Variants in SYNPO2 observed in about 807,000 individuals in gnomAD.
The protein encoded by SYNPO2 is synaptopodin-2.
SYNPO2 carries 56 observed loss-of-function variants against 85.0 expected under a neutral mutation model. The ratio of observed to expected loss-of-function variants is 0.66; its 90% CI spans 0.53 to 0.82. SYNPO2 has a LOEUF of 0.82. SYNPO2 is among the 40% of genes least tolerant of loss of function. The probability of loss-of-function intolerance (pLI) is 0.00; values close to 1 mark genes in which losing one functional copy is unlikely to be tolerated. For synonymous variants in SYNPO2, 602 were observed against 591.1 expected (o/e 1.02, Z -0.27); for missense variants, 1,575 against 1,534.2 (o/e 1.03, Z -0.44).
intron 1 of SYNPO2, among the ~76,000 whole-genome samples, chr4:119,000,970 G>A (rs967389227): frequency 1.1e-4 from 17 of 152,180 alleles, no homozygotes; most frequent in Non-Finnish European, 1.9e-4. Flanking sequence ...TCATATGAGT[G>A]CAGTGAAGTG....
intron 1 of SYNPO2, among the ~76,000 whole-genome samples, chr4:118,868,071 A>G (rs974034538): frequency 6.6e-6 from 1 of 150,990 alleles, no homozygotes; most frequent in African/African-American, 2.4e-5. Flanking sequence ...AAAACTACGT[A>G]TTTAATGAAA....
In SYNPO2 at chr4:118,933,829, GTTTT is replaced by G. The variant is rs71595334; in HGVS notation, c.105+44702_105+44705del. On this transcript the variant is annotated intron_variant, in intron 1 of 4. Coordinates refer to ENST00000307142, the MANE Select transcript of SYNPO2 (RefSeq NM_133477.3). ...ATAGCTGCTTTTTGCTGTTGTTGTT[GTTTT>G]TTTTTTTTTTTTTGGACAGTAACCT... Among the ~76,000 whole-genome samples, 63 of 102,318 alleles carry G rather than the reference GTTTT, an allele frequency of 6.2e-4. 1 individual carries two copies. The highest frequency in any genetic ancestry group is 4.9e-3 in the South Asian group (13 of 2,654). 67.1% of individuals were successfully genotyped at this position (102,318 alleles called of 152,430 possible).
intron 1 of SYNPO2, chr4:119,006,102 T>C (rs62327849): frequency 0.27 from 41,174 of 153,296 alleles, 5,580 homozygotes; most frequent in Middle Eastern, 0.31. Flanking sequence ...CCTGACACCG[T>C]CAGCAGTAAA....
At chr4:118,977,085 C>T (rs941481309) in intron 1 of SYNPO2, among the ~76,000 whole-genome samples, 8 of 152,184 alleles carry the variant, frequency 5.3e-5, no homozygotes, top group South Asian at 2.1e-4. Flanking sequence ...TGGGACTGGG[C>T]GCCGTGGAGC....
intron 1 of SYNPO2, among the ~76,000 whole-genome samples, chr4:118,942,692 G>A (rs1423773668): frequency 1.3e-5 from 2 of 152,248 alleles, no homozygotes; most frequent in South Asian, 2.1e-4. Flanking sequence ...GGGACATTTG[G>A]CAATGACCGG....
chr4:118,922,284 T>A (rs1733566895), intron 1 of SYNPO2, among the ~76,000 whole-genome samples: 2 of 152,164 alleles, frequency 1.3e-5, no homozygotes, highest in African/African-American at 2.4e-5. Context: ...AAAGTAGATG[T>A]ACGTCTGCAT....
At chr4:118,913,185 C>A (rs1319847504) in intron 1 of SYNPO2, among the ~76,000 whole-genome samples, 3 of 151,890 alleles carry the variant, frequency 2.0e-5, no homozygotes, top group Admixed American at 6.6e-5. Flanking sequence ...TACAAGATGA[C>A]AAGGCTTTAA....
intron 1 of SYNPO2, among the ~76,000 whole-genome samples, chr4:118,989,009 G>T (rs1736317727): frequency 6.6e-6 from 1 of 152,272 alleles, no homozygotes; most frequent in African/African-American, 2.4e-5. Flanking sequence ...AACAAAAAAA[G>T]AACAAGGTGG....
chr4:118,960,042 C>A (rs1322978110), intron 1 of SYNPO2, among the ~76,000 whole-genome samples: 1 of 152,164 alleles, frequency 6.6e-6, no homozygotes, highest in Non-Finnish European at 1.5e-5. Context: ...AATGTGACCA[C>A]AGAGGTAGAG....
intron 1 of SYNPO2, among the ~76,000 whole-genome samples, chr4:118,916,070 A>G (rs1447147114): frequency 1.3e-5 from 2 of 151,970 alleles, no homozygotes; most frequent in Non-Finnish European, 2.9e-5. Flanking sequence ...TGTTCATTGT[A>G]TATATGGTGA....
At chr4:118,994,406 C>T (rs949254978) in intron 1 of SYNPO2, among the ~76,000 whole-genome samples, 2 of 152,140 alleles carry the variant, frequency 1.3e-5, no homozygotes, top group African/African-American at 4.8e-5. Context: ...ATGAGCTTGG[C>T]GTTCAGAACA....
rs114818270 is a variant in SYNPO2, at chr4:118,924,818, T to C, written c.105+35677T>C. Among the ~76,000 whole-genome samples, 823 of 152,332 alleles carry C rather than the reference T, an allele frequency of 5.4e-3. 10 individuals are homozygous for C. The highest frequency in any genetic ancestry group is 0.019 in the African/African-American group (776 of 41,586). ...AGGAAGATTTTTCTTTAGGCCACTC[T>C]ATAGGCAATGAAGCAACTCCTCTTT... On this transcript the variant is annotated intron_variant, in intron 1 of 4. Coordinates refer to ENST00000307142, the MANE Select transcript of SYNPO2 (RefSeq NM_133477.3).
At chr4:119,034,525 C>T (rs1192625333) in intron 4 of SYNPO2, 3 of 985,366 alleles carry the variant, frequency 3.0e-6, no homozygotes, top group East Asian at 2.3e-4. Context: ...TTCTCCAAAA[C>T]CTTGTAAGAG....
intron 1 of SYNPO2, among the ~76,000 whole-genome samples, chr4:119,004,030 T>C (rs1736918942): frequency 6.6e-6 from 1 of 152,160 alleles, no homozygotes; most frequent in Non-Finnish European, 1.5e-5. Flanking sequence ...GGAAATGGCA[T>C]TGAGAGGGTC....
At chr4:118,892,586 C>G (rs956160807) in intron 1 of SYNPO2, among the ~76,000 whole-genome samples, 28 of 152,186 alleles carry the variant, frequency 1.8e-4, no homozygotes, top group Admixed American at 1.6e-3. Context: ...TTGAAAAATC[C>G]TCATATAAAG....
intron 1 of SYNPO2, among the ~76,000 whole-genome samples, chr4:118,908,312 T>A (rs1445290774): frequency 6.6e-6 from 1 of 152,198 alleles, no homozygotes; most frequent in East Asian, 1.9e-4. Context: ...TACTTGTTAC[T>A]CATTATATTG....
intron 1 of SYNPO2, among the ~76,000 whole-genome samples, chr4:118,940,674 A>G (rs1047378189): frequency 1.3e-5 from 2 of 152,110 alleles, no homozygotes; most frequent in East Asian, 1.9e-4. Context: ...TAGTCAGGGA[A>G]AGCACCCAAA....
intron 1 of SYNPO2, among the ~76,000 whole-genome samples, chr4:118,859,996 G>C (rs1353292503): frequency 1.3e-5 from 2 of 152,124 alleles, no homozygotes; most frequent in South Asian, 2.1e-4. Flanking sequence ...CCTCCAGACT[G>C]TTCTCAATAG....
At chr4:118,951,950 C>T (rs1734715814) in intron 1 of SYNPO2, among the ~76,000 whole-genome samples, 1 of 152,214 alleles carries the variant, frequency 6.6e-6, no homozygotes, top group African/African-American at 2.4e-5. Context: ...AGAGGGCCCA[C>T]TCTTCCAAAT....
Sources: gnomAD v4.1 joint callset for allele counts (sites outside exome capture counted in the v4.1 genomes callset) on GRCh38, gnomAD v4.1.1 for gene constraint, MANE v1.5 for transcripts, NCBI Gene and HGNC (gene_info 2026-07-23, HGNC 2026-07-21) for gene names.